Variants in WDR76 observed in about 807,000 individuals in gnomAD.
WDR76 encodes the protein WD repeat domain 76.
In WDR76, 52 loss-of-function variants were observed where a neutral mutation model predicts 70.2. The ratio of observed to expected loss-of-function variants is 0.74; its 90% CI spans 0.59 to 0.93. The LOEUF (loss-of-function observed/expected upper bound fraction) is 0.93, where lower values mean the gene tolerates loss of function less well. Ranked by LOEUF, WDR76 falls within the 40% of genes least tolerant of loss-of-function variation. The pLI is 0.00. For missense variants in WDR76, 756 were observed against 760.2 expected, an observed-to-expected ratio of 0.99 and a Z score of 0.07; for synonymous variants, 292 against 271.1, an observed-to-expected ratio of 1.08 and a Z score of -0.76.
Position 43,836,143 on chromosome 15 carries a change from G to A in WDR76, c.553-18G>A, listed in dbSNP as rs779054147. 5.6e-6 allele frequency: 9 copies of A among 1,595,266 alleles called. No homozygotes were observed. Among genetic ancestry groups the A allele is most frequent in the Non-Finnish European group, 6.8e-6 (8 of 1,172,788 alleles). ...ATACGTAGTTATAACATTTTTACAT[G>A]ATTTTTATACTTTACAGTCTGCTGC... On this transcript the variant is annotated intron_variant, in intron 3 of 12. Transcript: ENST00000263795.
intron 8 of WDR76, among the ~76,000 whole-genome samples, chr15:43,847,348 C>T (rs2140305474): frequency 6.6e-6 from 1 of 152,092 alleles, no homozygotes; most frequent in Middle Eastern, 3.4e-3. Flanking sequence ...GCAATCTCTG[C>T]CTCCTGGGTT....
chr15:43,861,716 T>C (rs1325012317), intron 12 of WDR76, among the ~76,000 whole-genome samples: 1 of 152,200 alleles, frequency 6.6e-6, no homozygotes, highest in African/African-American at 2.4e-5. Flanking sequence ...CTGATGAGGC[T>C]GTCTGAAGGT....
In WDR76 at chr15:43,839,703, C is replaced by T. The variant is rs768207045; in HGVS notation, c.707C>T (p.Pro236Leu). Reference protein sequence around the residue: ...SGVSLPAAPTPPTLVADETPL... With the variant: ...SGVSLPAAPTLPTLVADETPL... ...GTTTCATTACCAGCAGCTCCAACACCGCCGACATTAGTAGCAGATGAAACT... is the reference window on the plus strand; with the variant it reads ...GTTTCATTACCAGCAGCTCCAACACTGCCGACATTAGTAGCAGATGAAACT... The change falls in exon 5 of 13, where the codon CCG becomes CTG. Residue 236 changes from proline (P) to leucine (L), a missense_variant. Physicochemically the swap from Pro to Leu is moderately conservative, Grantham distance 98 (BLOSUM62 -3). Coordinates refer to ENST00000263795, the MANE Select transcript of WDR76 (RefSeq NM_024908.4). 1.1e-5 allele frequency: 17 copies of T among 1,609,148 alleles called. No homozygotes were observed. Among genetic ancestry groups the T allele is most frequent in the African/African-American group, 8.0e-5 (6 of 74,676 alleles).
chr15:43,840,118 C>G (rs948354636), intron 5 of WDR76, among the ~76,000 whole-genome samples: 4 of 152,124 alleles, frequency 2.6e-5, no homozygotes, highest in African/African-American at 9.7e-5. Flanking sequence ...CTCGGCCTCC[C>G]AAAGTGCTGG....
At chr15:43,856,016 T>C (rs1404184164) in intron 9 of WDR76, among the ~76,000 whole-genome samples, 1 of 152,200 alleles carries the variant, frequency 6.6e-6, no homozygotes, top group African/African-American at 2.4e-5. Flanking sequence ...TACATTTTTT[T>C]CTCCTCTTCT....
At position 43,861,233 on chromosome 15, in the gene WDR76, T is replaced by G. The variant is rs961729980; in HGVS notation, c.1563-100T>G. 6 of 1,035,716 alleles carry G rather than the reference T, an allele frequency of 5.8e-6. No homozygotes were observed. In the South Asian group the frequency reaches 8.0e-5, roughly 14 times the overall value. The allele number at this position is 1,035,716 out of a possible 1,614,324, so 64.2% of individuals were successfully genotyped here. On this transcript the variant is annotated intron_variant, in intron 11 of 12. Coordinates refer to ENST00000263795, the MANE Select transcript of WDR76 (RefSeq NM_024908.4). ...ATATTTTTAAGTGACAGTTATATAT[T>G]TCATACCATGAATTAATGAGAAGCT...
chr15:43,866,622 CTTTTTTTTTTT>C lies in WDR76; in HGVS notation c.*241_*251del, dbSNP rs5812253. On this transcript the variant is annotated 3_prime_UTR_variant, in exon 13 of 13. Transcript: ENST00000263795. ...AGGGGAGGCTGAGGTGCCGTCAGGA[CTTTTTTTTTTT>C]TTTTTTTTTTGAGATGGAGTTTTGC... 5.6e-5 allele frequency: 7 copies of C among 124,688 alleles called. 1 individual carries two copies. Among genetic ancestry groups the C allele is most frequent in the African/African-American group, 3.4e-4 (6 of 17,626 alleles). 7.7% of individuals were successfully genotyped at this position (124,688 alleles called of 1,614,324 possible).
intron 9 of WDR76, among the ~76,000 whole-genome samples, chr15:43,856,641 T>C (rs1014645124): frequency 6.6e-6 from 1 of 151,666 alleles, no homozygotes; most frequent in Non-Finnish European, 1.5e-5. Context: ...AAGGAATAAG[T>C]TCTAATGTTC....
intron 2 of WDR76, among the ~76,000 whole-genome samples, chr15:43,833,306 C>A (rs2087613395): frequency 1.3e-5 from 2 of 149,828 alleles, no homozygotes; most frequent in South Asian, 4.2e-4. Flanking sequence ...CGTTATTTTT[C>A]TTTCTTTTCT....
At chr15:43,844,287 G>C (rs945931757) in intron 8 of WDR76, among the ~76,000 whole-genome samples, 1 of 152,158 alleles carries the variant, frequency 6.6e-6, no homozygotes, top group Non-Finnish European at 1.5e-5. Context: ...TTAACTGCCA[G>C]AAAACTTTGT....
intron 2 of WDR76, among the ~76,000 whole-genome samples, chr15:43,831,178 C>T (rs1009970339): frequency 7.3e-5 from 11 of 151,654 alleles, no homozygotes; most frequent in Non-Finnish European, 1.5e-4. Flanking sequence ...TTGCAGTGAG[C>T]TGAGATCAGG....
At chr15:43,837,050 A>C (rs1446448202) in intron 4 of WDR76, among the ~76,000 whole-genome samples, 3 of 151,568 alleles carry the variant, frequency 2.0e-5, no homozygotes, top group African/African-American at 7.3e-5. Context: ...CACAAAAAAA[A>C]AAAAAACAAA....
At chr15:43,827,294 C>CT (rs2087529546) in intron 1 of WDR76, among the ~76,000 whole-genome samples, 1 of 152,184 alleles carries the variant, frequency 6.6e-6, no homozygotes, top group Non-Finnish European at 1.5e-5. Context: ...GATTCCCTTT[C>CT]TTCAACCTTC....
At chr15:43,827,181 A>G in intron 1 of WDR76, 89 bp downstream of exon 1, 1 of 1,551,546 alleles carries the variant, frequency 6.4e-7, no homozygotes, top group South Asian at 1.1e-5. Context: ...GGTCGAGGGC[A>G]CCTGGCACCG....
At chr15:43,832,066 T>A (rs1441342262) in intron 2 of WDR76, among the ~76,000 whole-genome samples, 2 of 152,212 alleles carry the variant, frequency 1.3e-5, no homozygotes, top group Admixed American at 1.3e-4. Flanking sequence ...TCTTTAGCTT[T>A]ATATTTGATT....
Position 43,827,026 on chromosome 15 carries a change from C to A in WDR76, c.-7C>A. 1 of 1,613,918 alleles carries A rather than the reference C, an allele frequency of 6.2e-7. No individual in the cohort carries two copies. The highest frequency in any genetic ancestry group is 8.5e-7 in the Non-Finnish European group (1 of 1,180,010). ...CGGGAAGGCGCCGGCCGCTAAGAAG[C>A]CGAAAGATGTCCAGGTCGGGCGCGG... On this transcript the variant is annotated 5_prime_UTR_variant, in exon 1 of 13. Coordinates refer to ENST00000263795, the MANE Select transcript of WDR76 (RefSeq NM_024908.4).
At chr15:43,860,268 C>T in intron 11 of WDR76, among the ~76,000 whole-genome samples, 1 of 152,192 alleles carries the variant, frequency 6.6e-6, no homozygotes. Flanking sequence ...CACAACTCCT[C>T]TCCTTTGTTG....
Position 43,841,483 on chromosome 15 carries a change from C to T in WDR76, c.733-932C>T, listed in dbSNP as rs187943305. On this transcript the variant is annotated intron_variant, in intron 5 of 12. Coordinates refer to ENST00000263795, the MANE Select transcript of WDR76 (RefSeq NM_024908.4). ...TGCTAGGATTACAGGTATGAGCCACCGCACCCGGCCCACGCATGGCTAATT... is the reference window on the plus strand; with the variant it reads ...TGCTAGGATTACAGGTATGAGCCACTGCACCCGGCCCACGCATGGCTAATT... Among the ~76,000 whole-genome samples, 282 of 152,092 alleles carry T rather than the reference C, an allele frequency of 1.9e-3. 1 individual carries two copies. Among genetic ancestry groups the T allele is most frequent in the Admixed American group, 5.3e-3 (81 of 15,268 alleles).
intron 8 of WDR76, among the ~76,000 whole-genome samples, chr15:43,848,477 C>G (rs2087815745): frequency 1.3e-5 from 2 of 152,116 alleles, no homozygotes; most frequent in African/African-American, 4.8e-5. Flanking sequence ...GATTTTTCCT[C>G]TTTTCAATGA....
Sources: allele counts gnomAD v4.1 joint callset (sites outside exome capture counted in the v4.1 genomes callset), GRCh38; gene constraint gnomAD v4.1.1; transcripts MANE v1.5; gene names NCBI Gene and HGNC (gene_info 2026-07-23, HGNC 2026-07-21).